ITGB5: variants seen among roughly 807,000 people sequenced by gnomAD.
ITGB5 encodes integrin beta-5.
Under a neutral mutation model 84.8 loss-of-function variants are expected in ITGB5, and 38 were observed. That is an observed-to-expected ratio of 0.45 (90% CI 0.35 to 0.59). ITGB5 has a LOEUF of 0.59. Among genes scored for constraint, ITGB5 ranks in the 20% least tolerant of loss-of-function variants. The pLI is 0.01. For missense variants in ITGB5, 905 were observed against 1,034.5 expected (o/e 0.87, Z 1.72); for synonymous variants, 393 against 414.4 (o/e 0.95, Z 0.63).
At chr3:124,823,320 T>G (rs1286622357) in intron 5 of ITGB5, among the ~76,000 whole-genome samples, 1 of 150,904 alleles carries the variant, frequency 6.6e-6, no homozygotes, top group African/African-American at 2.4e-5. Context: ...TAAAGGAAGC[T>G]GAAAGAAGGA....
At chr3:124,814,605 T>C (rs2064558255) in intron 8 of ITGB5, among the ~76,000 whole-genome samples, 1 of 151,960 alleles carries the variant, frequency 6.6e-6, no homozygotes, top group African/African-American at 2.4e-5. Flanking sequence ...GCCTCCCAAG[T>C]AGCATGCCCA....
Position 124,861,641 on chromosome 3 carries a change from A to C in ITGB5, c.157-2195T>G, listed in dbSNP as rs1579309456. Among the ~76,000 whole-genome samples, 20 of 151,036 alleles carry C rather than the reference A, an allele frequency of 1.3e-4. No homozygotes were observed. In the South Asian group the frequency reaches 4.2e-3, roughly 32 times the overall value. ...CAGTGGCGCAATCTCAGCTCACTGC[A>C]ACCTCCGACTCCCTGGTTCAAGCAA... On this transcript the variant is annotated intron_variant, in intron 2 of 14. Transcript: ENST00000296181.
At position 124,881,465 on chromosome 3, in the gene ITGB5, G is replaced by A. The variant is rs185651690; in HGVS notation, c.70+5466C>T. Among the ~76,000 whole-genome samples the A allele has an allele frequency of 3.5e-3, 532 of 152,282 alleles. 6 individuals carry two copies. The highest frequency in any genetic ancestry group is 0.011 in the African/African-American group (467 of 41,562). ...CAGTCTCTCTAATGGAATGGGCCAT[G>A]AAAGCAGGAGGAGGAGGAGATAGTT... is the stretch of plus-strand genomic sequence containing the variant. On this transcript the variant is annotated intron_variant, in intron 1 of 14. Coordinates refer to ENST00000296181, the MANE Select transcript of ITGB5 (RefSeq NM_002213.5).
Position 124,782,974 on chromosome 3 carries a change from C to CTTT in ITGB5, c.1694-9065_1694-9063dup, listed in dbSNP as rs11370689. Among the ~76,000 whole-genome samples, 7 of 151,638 alleles carry CTTT rather than the reference C, an allele frequency of 4.6e-5. No individual in the cohort carries two copies. The South Asian group carries it at 8.3e-4, about 18-fold the overall frequency. ...ATTTTCTATTATTTTCCCTTTCTTTCTTTTTTTTCTTTTTTAATATTTTAA... is the reference window on the plus strand; with the variant it reads ...ATTTTCTATTATTTTCCCTTTCTTTCTTTTTTTTTTTCTTTTTTAATATTTTAA... On this transcript the variant is annotated intron_variant, in intron 10 of 14. Coordinates refer to ENST00000296181, the MANE Select transcript of ITGB5 (RefSeq NM_002213.5).
intron 10 of ITGB5, among the ~76,000 whole-genome samples, chr3:124,776,404 C>T (rs542488455): frequency 3.9e-5 from 6 of 152,376 alleles, no homozygotes; most frequent in African/African-American, 1.4e-4. Context: ...AAATGGCTCA[C>T]TGTGAGGGGA....
chr3:124,870,803 A>AGATG (rs971016858), intron 2 of ITGB5, among the ~76,000 whole-genome samples: 1 of 145,256 alleles, frequency 6.9e-6, no homozygotes, highest in African/African-American at 2.9e-5. Flanking sequence ...ATAAATAGAC[A>AGATG]GATGGATGGA....
At chr3:124,854,417 A>G (rs1310801762) in intron 3 of ITGB5, among the ~76,000 whole-genome samples, 2 of 152,242 alleles carry the variant, frequency 1.3e-5, no homozygotes, top group Non-Finnish European at 1.5e-5. Context: ...TCCACAATGG[A>G]ATATTATTTG....
chr3:124,786,404 T>TA (rs879527219), intron 10 of ITGB5, among the ~76,000 whole-genome samples: 132 of 141,922 alleles, frequency 9.3e-4, no homozygotes, highest in South Asian at 2.2e-3. Context: ...CCCTGTCTCT[T>TA]AAAAAAAAAA....
intron 6 of ITGB5, 92 bp from the exon 7 acceptor site, chr3:124,819,926 G>T (rs924078233): frequency 3.2e-6 from 3 of 926,620 alleles, no homozygotes; most frequent in Non-Finnish European, 5.4e-6. Context: ...GCCAGCATTT[G>T]CCAGGGAAGC....
chr3:124,807,088 G>T (rs768491012), intron 9 of ITGB5, among the ~76,000 whole-genome samples: 1 of 152,172 alleles, frequency 6.6e-6, no homozygotes, highest in African/African-American at 2.4e-5. Context: ...ATGTCACCTT[G>T]TTCTATGAAT....
chr3:124,855,979 T>C (rs1444684135), intron 3 of ITGB5, among the ~76,000 whole-genome samples: 3 of 152,150 alleles, frequency 2.0e-5, no homozygotes, highest in East Asian at 3.8e-4. Context: ...GTTGTTGTTG[T>C]TGTTTTTGTT....
At chr3:124,766,397 C>A in intron 12 of ITGB5, 52 bp from the exon 13 acceptor site, 1 of 1,599,906 alleles carries the variant, frequency 6.3e-7, no homozygotes, top group Non-Finnish European at 8.5e-7. Context: ...CAGCCCACAG[C>A]CACTGATGGT....
chr3:124,806,424 A>ATTTTT (rs71145488), intron 9 of ITGB5, among the ~76,000 whole-genome samples: 4 of 72,774 alleles, frequency 5.5e-5, no homozygotes, highest in Non-Finnish European at 7.9e-5. Flanking sequence ...GCCTCATTCC[A>ATTTTT]TTTTTTTTTT....
chr3:124,788,441 A>G (rs1376168044), intron 10 of ITGB5, among the ~76,000 whole-genome samples: 2 of 152,158 alleles, frequency 1.3e-5, no homozygotes, highest in Non-Finnish European at 2.9e-5. Flanking sequence ...CTGTGTTATC[A>G]TTGCCTAAGG....
At chr3:124,853,230 A>T (rs1169731565) in intron 3 of ITGB5, among the ~76,000 whole-genome samples, 1 of 152,232 alleles carries the variant, frequency 6.6e-6, no homozygotes, top group African/African-American at 2.4e-5. Flanking sequence ...ACTCTATTAT[A>T]ACAGGACTAC....
intron 1 of ITGB5, among the ~76,000 whole-genome samples, chr3:124,881,569 T>C (rs117047974): frequency 0.016 from 2,438 of 152,294 alleles, 69 homozygotes; most frequent in South Asian, 0.064. Context: ...CTGTCACTTA[T>C]TGGTTATGTG....
chr3:124,897,451 G>T (rs981663894), intron 1 of ITGB5, among the ~76,000 whole-genome samples: 3 of 152,154 alleles, frequency 2.0e-5, no homozygotes, highest in African/African-American at 7.2e-5. Flanking sequence ...TCCATTGGAA[G>T]AGTTGAGGTT....
intron 2 of ITGB5, among the ~76,000 whole-genome samples, chr3:124,871,487 C>G (rs6802275): frequency 0.44 from 67,367 of 152,024 alleles, 15,197 homozygotes; most frequent in East Asian, 0.67. Context: ...AGCCACCGCG[C>G]CTGGCCGAAT....
At chr3:124,787,594 C>T (rs544921378) in intron 10 of ITGB5, 1 of 152,324 alleles carries the variant, frequency 6.6e-6, no homozygotes, top group African/African-American at 2.4e-5. Context: ...GAAGAACGCT[C>T]AATGAACTTT....
Sources: gnomAD v4.1 joint callset for allele counts (sites outside exome capture counted in the v4.1 genomes callset) on GRCh38, gnomAD v4.1.1 for gene constraint, MANE v1.5 for transcripts, NCBI Gene and HGNC (gene_info 2026-07-23, HGNC 2026-07-21) for gene names.